The following RNLS variants were observed in gnomAD, a reference collection of about 807,000 sequenced individuals.
RNLS encodes the protein renalase.
A neutral mutation model predicts 39.8 loss-of-function variants in RNLS; 39 were observed. The ratio of observed to expected loss-of-function variants is 0.98; its 90% CI spans 0.76 to 1.28. RNLS has a LOEUF of 1.28. RNLS is among the 50% of genes most tolerant of loss of function. The probability of loss-of-function intolerance (pLI) is 0.00; values close to 1 mark genes in which losing one functional copy is unlikely to be tolerated. For synonymous variants in RNLS, 147 were observed against 150.7 expected (o/e 0.98, Z 0.18); for missense variants, 410 against 413.3 (o/e 0.99, Z 0.07).
rs921387270 is a variant in RNLS at position 88,417,496 on chromosome 10, C to T, written c.527-54771G>A. Among the ~76,000 whole-genome samples, 6 of 152,144 alleles carry T rather than the reference C, an allele frequency of 3.9e-5. No homozygotes were observed. The East Asian group carries it at 5.8e-4, about 15-fold the overall frequency. ...TTTACATAAAACAGCTGTAAACAGTCTACTACGTTAATTTGACAGGCAAAT... is the reference window on the plus strand; with the variant it reads ...TTTACATAAAACAGCTGTAAACAGTTTACTACGTTAATTTGACAGGCAAAT... On this transcript the variant is annotated intron_variant, in intron 4 of 6. Coordinates refer to ENST00000331772, the MANE Select transcript of RNLS (RefSeq NM_001031709.3).
intron 4 of RNLS, among the ~76,000 whole-genome samples, chr10:88,409,845 G>T (rs565038938): frequency 3.9e-5 from 6 of 152,130 alleles, no homozygotes; most frequent in Admixed American, 2.6e-4. Flanking sequence ...GCTCTGTGTT[G>T]CATATAATAA....
intron 4 of RNLS, among the ~76,000 whole-genome samples, chr10:88,562,605 G>A (rs1472710907): frequency 6.6e-6 from 1 of 152,042 alleles, no homozygotes; most frequent in Non-Finnish European, 1.5e-5. Context: ...AATTTGTTGG[G>A]CATTCTATGA....
At chr10:88,275,155 G>A (rs1842766132) in intron 6 of RNLS, 10 of 714,706 alleles carry the variant, frequency 1.4e-5, no homozygotes, top group Non-Finnish European at 2.4e-5. Flanking sequence ...GAATGGGGAG[G>A]GTTCTGGCTC....
At chr10:88,267,926 T>A in the RNLS span, among the ~76,000 whole-genome samples, 1 of 152,182 alleles carries the variant, frequency 6.6e-6, no homozygotes, top group East Asian at 1.9e-4. Flanking sequence ...ATTTTAAATA[T>A]CTTGGTAAGA....
intron 4 of RNLS, among the ~76,000 whole-genome samples, chr10:88,458,865 C>A (rs1413971367): frequency 6.6e-6 from 1 of 151,936 alleles, no homozygotes; most frequent in Non-Finnish European, 1.5e-5. Flanking sequence ...AATCTAAGGG[C>A]ATATTTCACA....
downstream of RNLS, among the ~76,000 whole-genome samples, chr10:88,281,845 G>A (rs7916537): frequency 7.7e-4 from 117 of 152,056 alleles, no homozygotes; most frequent in African/African-American, 2.1e-3. Context: ...TCATATTCCC[G>A]GTTTTTCTGA....
chr10:88,286,785 C>T, intron 6 of RNLS, among the ~76,000 whole-genome samples: 1 of 118,550 alleles, frequency 8.4e-6, no homozygotes, highest in Non-Finnish European at 1.8e-5. Context: ...TCAGTATATT[C>T]CCTTACAGTT....
the RNLS span, among the ~76,000 whole-genome samples, chr10:88,177,071 G>A: frequency 6.6e-6 from 1 of 152,116 alleles, no homozygotes; most frequent in Non-Finnish European, 1.5e-5. Flanking sequence ...GGTCCTTTGT[G>A]GGTTGAACCT....
chr10:88,266,739 C>G, the RNLS span, among the ~76,000 whole-genome samples: 1 of 147,874 alleles, frequency 6.8e-6, no homozygotes, highest in Non-Finnish European at 1.5e-5. Context: ...ACACACACCC[C>G]ACACACACCA....
At chr10:88,321,053 T>C (rs1236140138) in intron 5 of RNLS, among the ~76,000 whole-genome samples, 2 of 151,822 alleles carry the variant, frequency 1.3e-5, no homozygotes, top group South Asian at 2.1e-4. Flanking sequence ...ATTGGCCATA[T>C]AGCAAATCTT....
intron 4 of RNLS, among the ~76,000 whole-genome samples, chr10:88,475,080 G>T (rs1232122508): frequency 2.0e-5 from 3 of 152,140 alleles, no homozygotes; most frequent in African/African-American, 7.2e-5. Flanking sequence ...AGATAGAAAG[G>T]TGACAATGTG....
At chr10:88,329,981 G>C (rs1846969103) in intron 5 of RNLS, among the ~76,000 whole-genome samples, 1 of 150,048 alleles carries the variant, frequency 6.7e-6, no homozygotes, top group Non-Finnish European at 1.5e-5. Flanking sequence ...AAAATTTTCA[G>C]GCTTTATAAG....
At chr10:88,446,907 A>G (rs188847133) in intron 4 of RNLS, among the ~76,000 whole-genome samples, 1 of 152,376 alleles carries the variant, frequency 6.6e-6, no homozygotes, top group East Asian at 1.9e-4. Context: ...ACCAAACACA[A>G]AAACCACATG....
chr10:88,519,795 C>T (rs1846620255), intron 4 of RNLS, among the ~76,000 whole-genome samples: 1 of 150,340 alleles, frequency 6.7e-6, no homozygotes, highest in Admixed American at 6.7e-5. Context: ...TTTTCCTGCA[C>T]TAGGTATCCC....
intron 4 of RNLS, among the ~76,000 whole-genome samples, chr10:88,561,574 T>C (rs913709810): frequency 6.6e-6 from 1 of 152,082 alleles, no homozygotes; most frequent in Non-Finnish European, 1.5e-5. Flanking sequence ...AAGATTTTAA[T>C]GTAAAGGATA....
chr10:88,499,575 C>A lies in RNLS; in HGVS notation c.526+73328G>T, dbSNP rs186908145. On this transcript the variant is annotated intron_variant, in intron 4 of 6. Transcript: ENST00000331772. Reference sequence around the variant, plus strand: ...CAGGGGTGGGGTGAGGCACAGGATGCATTCTCCCCCTCTCACCTCCCCTGT... The same window carrying A: ...CAGGGGTGGGGTGAGGCACAGGATGAATTCTCCCCCTCTCACCTCCCCTGT... Among the ~76,000 whole-genome samples the A allele has an allele frequency of 3.9e-4, 60 of 152,162 alleles. No homozygotes were observed. The East Asian group carries it at 0.011, about 28-fold the overall frequency.
intron 4 of RNLS, among the ~76,000 whole-genome samples, chr10:88,416,314 C>T (rs1227544515): frequency 1.3e-5 from 2 of 151,548 alleles, no homozygotes; most frequent in Admixed American, 6.6e-5. Context: ...AGTGCAATGG[C>T]GTGATCTTGG....
intron 5 of RNLS, among the ~76,000 whole-genome samples, chr10:88,315,572 A>G (rs1845695825): frequency 6.6e-6 from 1 of 152,192 alleles, no homozygotes. Context: ...TGTATAAGGC[A>G]CTGATAGGAG....
intron 3 of RNLS, among the ~76,000 whole-genome samples, chr10:88,574,230 T>G (rs1202462166): frequency 6.6e-6 from 1 of 152,198 alleles, no homozygotes; most frequent in African/African-American, 2.4e-5. Context: ...TTCAAAAAAT[T>G]TTGATTTACA....
Sources: allele counts gnomAD v4.1 joint callset (sites outside exome capture counted in the v4.1 genomes callset), GRCh38; gene constraint gnomAD v4.1.1; transcripts MANE v1.5; gene names NCBI Gene and HGNC (gene_info 2026-07-23, HGNC 2026-07-21).